Variants in SIPA1L1 observed in about 807,000 individuals in gnomAD.
SIPA1L1 encodes the protein signal induced proliferation associated 1 like 1.
In SIPA1L1, 26 loss-of-function variants were observed where a neutral mutation model predicts 162.7. The observed-to-expected ratio is 0.16, with a 90% confidence interval of 0.12 to 0.22. SIPA1L1 has a LOEUF of 0.22. SIPA1L1 is among the 10% of genes least tolerant of loss of function. SIPA1L1 has a pLI of 1.00. For synonymous variants in SIPA1L1, 829 were observed against 837.4 expected (o/e 0.99, Z 0.17); for missense variants, 1,874 against 2,241.0 (o/e 0.84, Z 3.31).
chr14:71,569,141 TA>T (rs5809523), intron 4 of SIPA1L1, among the ~76,000 whole-genome samples: 127,173 of 152,094 alleles, frequency 0.84, 53,767 homozygotes, highest in African/African-American at 0.95. Context: ...TCAAGGAATA[TA>T]AAAAAAATGT....
chr14:71,686,568 G>A (rs1423558670), intron 13 of SIPA1L1, among the ~76,000 whole-genome samples: 1 of 151,586 alleles, frequency 6.6e-6, no homozygotes, highest in African/African-American at 2.4e-5. Flanking sequence ...TTTTTAGACA[G>A]AGTCTCACTC....
chr14:71,582,363 C>A (rs1170604787), intron 4 of SIPA1L1, among the ~76,000 whole-genome samples: 1 of 151,958 alleles, frequency 6.6e-6, no homozygotes, highest in Non-Finnish European at 1.5e-5. Flanking sequence ...TATTATTATT[C>A]CACCACGTAA....
intron 2 of SIPA1L1, among the ~76,000 whole-genome samples, chr14:71,460,670 A>G (rs1309474690): frequency 6.6e-6 from 1 of 152,134 alleles, no homozygotes; most frequent in Non-Finnish European, 1.5e-5. Context: ...GCAGAACATA[A>G]TGTTGCGGGA....
intron 13 of SIPA1L1, among the ~76,000 whole-genome samples, chr14:71,691,851 T>G (rs2081278813): frequency 6.6e-6 from 1 of 152,226 alleles, no homozygotes; most frequent in African/African-American, 2.4e-5. Context: ...ATTGCCTCAC[T>G]AGGAATGTTC....
At chr14:71,326,659 T>C (rs187129332) in intron 2 of SIPA1L1, among the ~76,000 whole-genome samples, 2 of 152,250 alleles carry the variant, frequency 1.3e-5, no homozygotes, top group East Asian at 3.9e-4. Flanking sequence ...GTTATCTTTC[T>C]GTAATTCATT....
At chr14:71,541,153 T>C (rs530777013) in intron 4 of SIPA1L1, among the ~76,000 whole-genome samples, 2 of 152,182 alleles carry the variant, frequency 1.3e-5, no homozygotes, top group South Asian at 4.1e-4. Flanking sequence ...TTATGCTATA[T>C]GGAAGATAAT....
At chr14:71,701,894 C>T (rs184010464) in intron 14 of SIPA1L1, among the ~76,000 whole-genome samples, 1 of 152,236 alleles carries the variant, frequency 6.6e-6, no homozygotes, top group East Asian at 1.9e-4. Flanking sequence ...GACCACAAAG[C>T]AAGTACTCAG....
chr14:71,684,681 C>T (rs2046126281), intron 12 of SIPA1L1, among the ~76,000 whole-genome samples: 1 of 151,484 alleles, frequency 6.6e-6, no homozygotes, highest in Admixed American at 6.6e-5. Context: ...TTTCAGAGCC[C>T]AGTCACGATG....
chr14:71,381,025 C>T (rs768525851), intron 2 of SIPA1L1, among the ~76,000 whole-genome samples: 14 of 152,138 alleles, frequency 9.2e-5, no homozygotes, highest in Non-Finnish European at 1.3e-4. Context: ...GGCATTTGTA[C>T]AAAATATAAG....
chr14:71,724,597 C>A, intron 18 of SIPA1L1, 73 bp from the exon 19 acceptor site: 1 of 1,230,150 alleles, frequency 8.1e-7, no homozygotes, highest in Non-Finnish European at 1.2e-6. Context: ...GACTTACATC[C>A]TTTAGAGCCC....
intron 22 of SIPA1L1, among the ~76,000 whole-genome samples, chr14:71,737,465 G>C (rs1729108337): frequency 6.6e-6 from 1 of 152,034 alleles, no homozygotes; most frequent in African/African-American, 2.4e-5. Flanking sequence ...AGGTAGAGGA[G>C]AGTGTGGCAA....
chr14:71,326,494 C>A lies in SIPA1L1; in HGVS notation c.-465+5313C>A, dbSNP rs544738822. ...AAACTGCTGGGATTACAGGCAGGAGCCACCACACCTGGCCGACTTGCTTCT... is the reference window on the plus strand; with the variant it reads ...AAACTGCTGGGATTACAGGCAGGAGACACCACACCTGGCCGACTTGCTTCT... On this transcript the variant is annotated intron_variant, in intron 2 of 23. Transcript: ENST00000381232. 2.8e-4 allele frequency among the ~76,000 whole-genome samples: 42 copies of A among 152,090 alleles called. 1 individual carries two copies. Among genetic ancestry groups the A allele is most frequent in the African/African-American group, 1.0e-3 (42 of 41,502 alleles).
chr14:71,365,187 T>A (rs984432418), intron 2 of SIPA1L1, among the ~76,000 whole-genome samples: 1 of 151,844 alleles, frequency 6.6e-6, no homozygotes, highest in South Asian at 2.1e-4. Flanking sequence ...CTGGCTAATT[T>A]ATTTTTTTGT....
intron 2 of SIPA1L1, among the ~76,000 whole-genome samples, chr14:71,452,635 A>C (rs964124595): frequency 6.6e-6 from 1 of 152,180 alleles, no homozygotes; most frequent in Non-Finnish European, 1.5e-5. Context: ...AAAGTAGTTT[A>C]CTGATTCACT....
chr14:71,406,631 A>G (rs1289045836), intron 2 of SIPA1L1, among the ~76,000 whole-genome samples: 1 of 152,220 alleles, frequency 6.6e-6, no homozygotes, highest in Non-Finnish European at 1.5e-5. Flanking sequence ...TTTTTACCCA[A>G]AATTCATTAT....
Position 71,672,552 on chromosome 14 carries a change from G to A in SIPA1L1, c.3034G>A (p.Asp1012Asn), listed in dbSNP as rs879019740. Residue 1012 changes from aspartate to asparagine, a missense_variant, in exon 12 of 24, where the codon GAC becomes AAC. By Grantham distance (23) the Asp-to-Asn change is conservative. Coordinates refer to ENST00000381232, the MANE Select transcript of SIPA1L1 (RefSeq NM_001386936.1). The part of the protein sequence containing the change: ...VATLSHEQMI[D>N]LLRTSVTVKV... ...CACTCTGAGCCATGAGCAGATGATC[G>A]ACCTCCTGAGAACATCTGTCACGGT... 7 of 1,614,006 alleles carry A rather than the reference G, an allele frequency of 4.3e-6. No homozygotes were observed. Among genetic ancestry groups the A allele is most frequent in the African/African-American group, 4.0e-5 (3 of 74,912 alleles).
chr14:71,637,619 G>C (rs2041292292), intron 7 of SIPA1L1, among the ~76,000 whole-genome samples: 1 of 151,946 alleles, frequency 6.6e-6, no homozygotes, highest in East Asian at 1.9e-4. Context: ...CTGTAGTTAA[G>C]AGGCTGAATC....
chr14:71,367,522 A>G (rs925923102), intron 2 of SIPA1L1, among the ~76,000 whole-genome samples: 1 of 148,268 alleles, frequency 6.7e-6, no homozygotes, highest in Non-Finnish European at 1.5e-5. Context: ...GTTAGCCAGG[A>G]TGGTCTCGAT....
At chr14:71,385,013 T>C (rs1454686281) in intron 2 of SIPA1L1, among the ~76,000 whole-genome samples, 1 of 152,132 alleles carries the variant, frequency 6.6e-6, no homozygotes, top group Non-Finnish European at 1.5e-5. Flanking sequence ...ACTCTTGTAA[T>C]AAAGGAGGAT....
Sources: allele counts gnomAD v4.1 joint callset (sites outside exome capture counted in the v4.1 genomes callset), GRCh38; gene constraint gnomAD v4.1.1; transcripts MANE v1.5; gene names NCBI Gene and HGNC (gene_info 2026-07-23, HGNC 2026-07-21).